The following TENT2 variants were observed in gnomAD, a reference collection of about 807,000 sequenced individuals.
The protein encoded by TENT2 is poly(A) RNA polymerase GLD2.
In TENT2, 44 loss-of-function variants were observed where a neutral mutation model predicts 72.2. That is an observed-to-expected ratio of 0.61 (90% CI 0.48 to 0.78). The LOEUF (loss-of-function observed/expected upper bound fraction) is 0.78. Among genes scored for constraint, TENT2 ranks in the 30% least tolerant of loss-of-function variants. The pLI, the probability that TENT2 is intolerant of heterozygous loss-of-function variation, is 0.00. For missense variants in TENT2, 541 were observed against 569.6 expected, an observed-to-expected ratio of 0.95 and a Z score of 0.51; for synonymous variants, 212 against 192.5, an observed-to-expected ratio of 1.10 and a Z score of -0.84.
At chr5:79,615,383 G>A (rs752714924) in intron 1 of TENT2, among the ~76,000 whole-genome samples, 67 of 152,162 alleles carry the variant, frequency 4.4e-4, no homozygotes, top group Non-Finnish European at 4.7e-4. Context: ...ATAAACAAAA[G>A]TATCTAGGCT....
At position 79,618,220 on chromosome 5, in the gene TENT2, C is replaced by T. The variant is rs1187953011; in HGVS notation, c.-37-1392C>T. 1.4e-4 allele frequency among the ~76,000 whole-genome samples: 22 copies of T among 151,846 alleles called. 1 individual carries two copies. Among genetic ancestry groups the T allele is most frequent in the Admixed American group, 1.4e-3 (22 of 15,202 alleles). The stretch of plus-strand genomic sequence containing the variant: ...TTTTGCTTTCAATTTTATAATTTCC[C>T]AGAGCCTGTTTATTTTATTTTTGTG... On this transcript the variant is annotated intron_variant, in intron 1 of 14. Transcript: ENST00000453514.
At chr5:79,638,599 G>C (rs1297411723) in intron 4 of TENT2, among the ~76,000 whole-genome samples, 1 of 152,200 alleles carries the variant, frequency 6.6e-6, no homozygotes, top group Non-Finnish European at 1.5e-5. Flanking sequence ...AATTTGGTGA[G>C]TGAGGGGGAG....
At chr5:79,620,752 G>T (rs1764120630) in intron 3 of TENT2, 1 of 152,130 alleles carries the variant, frequency 6.6e-6, no homozygotes, top group Non-Finnish European at 1.5e-5. Context: ...TGGGGCTTAG[G>T]ACTTCAACAT....
intron 11 of TENT2, among the ~76,000 whole-genome samples, chr5:79,667,612 A>G (rs1449181346): frequency 6.6e-6 from 1 of 152,178 alleles, no homozygotes; most frequent in Non-Finnish European, 1.5e-5. Flanking sequence ...CAACTTTATG[A>G]ATTTGGTTGG....
chr5:79,679,621 T>A lies in TENT2; in HGVS notation c.1251T>A (p.Ile417=), dbSNP rs1820152523. The change falls in exon 13 of 15, where the codon ATT becomes ATA. Residue 417 remains isoleucine (I), a synonymous_variant. Coordinates refer to ENST00000453514, the MANE Select transcript of TENT2 (RefSeq NM_001114394.3). ...TTTCAGTTCGTGAAGCCAAAGCCAT[T>A]CCAAGGCCTGATGGTATTGAATGGA... The part of the protein sequence containing the change: ...QMISVREAKA[I]PRPDGIEWRN... 1.9e-6 allele frequency: 3 copies of A among 1,603,572 alleles called. No homozygotes were observed. Among genetic ancestry groups the A allele is most frequent in the Non-Finnish European group, 2.6e-6 (3 of 1,174,120 alleles).
chr5:79,628,202 A>G (rs1335815674), intron 4 of TENT2, among the ~76,000 whole-genome samples: 1 of 152,190 alleles, frequency 6.6e-6, no homozygotes, highest in Non-Finnish European at 1.5e-5. Context: ...TGTGCTCGAC[A>G]GTTTGTTTGG....
chr5:79,619,876 A>G, intron 2 of TENT2, 91 bp downstream of exon 2: 1 of 1,503,460 alleles, frequency 6.7e-7, no homozygotes. Flanking sequence ...TTGAACATGG[A>G]GAATATGTCG....
At chr5:79,616,903 G>A (rs1760633663) in intron 1 of TENT2, among the ~76,000 whole-genome samples, 1 of 152,084 alleles carries the variant, frequency 6.6e-6, no homozygotes, top group Non-Finnish European at 1.5e-5. Context: ...ACCCTGGACT[G>A]GTGAGCCTTG....
chr5:79,668,781 G>C, intron 11 of TENT2, 111 bp from the exon 12 acceptor site: 3 of 1,300,320 alleles, frequency 2.3e-6, no homozygotes, highest in Admixed American at 2.3e-5. Context: ...TTGCCAAATA[G>C]AGTAAATTTC....
chr5:79,654,170 G>A (rs750635700), intron 10 of TENT2, among the ~76,000 whole-genome samples: 6 of 152,174 alleles, frequency 3.9e-5, no homozygotes, highest in Non-Finnish European at 8.8e-5. Context: ...GGTGGCTCAC[G>A]CCTGTAATCC....
intron 4 of TENT2, among the ~76,000 whole-genome samples, chr5:79,633,432 G>GTTTTTTTTTTTTTTTTTTTTT (rs539713889): frequency 1.2e-5 from 1 of 80,350 alleles, no homozygotes; most frequent in African/African-American, 4.9e-5. Context: ...CAGCTAAAAA[G>GTTTTTTTTTTTTTTTTTTTTT]TTTTTTTTTT....
chr5:79,661,573 C>G (rs1580534239), intron 11 of TENT2, among the ~76,000 whole-genome samples: 1 of 152,212 alleles, frequency 6.6e-6, no homozygotes, highest in Admixed American at 6.5e-5. Flanking sequence ...GTTACACTTA[C>G]ACTATCATGT....
chr5:79,646,672 TAA>T (rs777982160), intron 8 of TENT2, among the ~76,000 whole-genome samples: 1 of 152,098 alleles, frequency 6.6e-6, no homozygotes, highest in Non-Finnish European at 1.5e-5. Flanking sequence ...TAGCTAATTA[TAA>T]GTTTTTAATA....
At chr5:79,681,504 C>T (rs1164114858) in intron 13 of TENT2, 1 of 153,080 alleles carries the variant, frequency 6.5e-6, no homozygotes, top group East Asian at 1.9e-4. Context: ...GGCCATAACT[C>T]CCTGCATTGT....
Position 79,687,354 on chromosome 5 carries a change from C to A in TENT2, c.*2081C>A, listed in dbSNP as rs575856725. On this transcript the variant is annotated 3_prime_UTR_variant, in exon 15 of 15. Coordinates refer to ENST00000453514, the MANE Select transcript of TENT2 (RefSeq NM_001114394.3). The stretch of plus-strand genomic sequence containing the variant: ...TATTTTCTGTTTGTGTTGATCTGTC[C>A]ATTTCTGTATATAGTTGTCCCTCAG... Among the ~76,000 whole-genome samples the A allele has an allele frequency of 6.6e-6, 1 of 151,682 alleles. No homozygotes were observed. The highest frequency in any genetic ancestry group is 2.1e-4 in the South Asian group (1 of 4,794).
At chr5:79,672,120 A>G (rs1458303161) in intron 12 of TENT2, among the ~76,000 whole-genome samples, 2 of 151,740 alleles carry the variant, frequency 1.3e-5, no homozygotes, top group African/African-American at 2.4e-5. Context: ...AAAACAAAAA[A>G]CTATTTTTCT....
chr5:79,657,941 A>C (rs1799107806), intron 11 of TENT2, among the ~76,000 whole-genome samples: 1 of 152,238 alleles, frequency 6.6e-6, no homozygotes, highest in South Asian at 2.1e-4. Context: ...TGTCACACAA[A>C]ATATAACAAA....
At chr5:79,683,923 CAAAAAAAAAAA>C (rs761567083) in intron 14 of TENT2, among the ~76,000 whole-genome samples, 17 of 41,560 alleles carry the variant, frequency 4.1e-4, no homozygotes, top group East Asian at 4.1e-3. Context: ...GACTCCGTCT[CAAAAAAAAAAA>C]AAAAAAAAAA....
intron 12 of TENT2, among the ~76,000 whole-genome samples, chr5:79,675,270 A>G (rs1352546297): frequency 6.6e-6 from 1 of 152,242 alleles, no homozygotes; most frequent in Non-Finnish European, 1.5e-5. Flanking sequence ...GAATAGGAGC[A>G]CAGATAATTC....
Sources: allele counts gnomAD v4.1 joint callset (sites outside exome capture counted in the v4.1 genomes callset), GRCh38; gene constraint gnomAD v4.1.1; transcripts MANE v1.5; gene names NCBI Gene and HGNC (gene_info 2026-07-23, HGNC 2026-07-21).